The following PCDHGA1 variants were observed in gnomAD, a reference collection of about 807,000 sequenced individuals.
The protein encoded by PCDHGA1 is protocadherin gamma-A1.
PCDHGA1 carries 32 observed loss-of-function variants against 58.0 expected under a neutral mutation model. The observed-to-expected ratio is 0.55, with a 90% CI of 0.42 to 0.74. The LOEUF is 0.74. Ranked by LOEUF, PCDHGA1 falls within the 30% of genes least tolerant of loss-of-function variation. PCDHGA1 has a pLI of 0.00. For synonymous variants in PCDHGA1, 498 were observed against 501.1 expected, an observed-to-expected ratio of 0.99 and a Z score of 0.08; for missense variants, 1,205 against 1,182.3, an observed-to-expected ratio of 1.02 and a Z score of -0.28.
intron 1 of PCDHGA1, chr5:141,408,972 CT>C (rs1404896464): frequency 6.2e-7 from 1 of 1,613,870 alleles, no homozygotes; most frequent in Middle Eastern, 1.6e-4. Flanking sequence ...AATCTGCCCC[CT>C]GGGTCCCCTG....
At chr5:141,396,487 G>A (rs1196823269) in intron 1 of PCDHGA1, 1 of 152,122 alleles carries the variant, frequency 6.6e-6, no homozygotes, top group Non-Finnish European at 1.5e-5. Flanking sequence ...AGGCATGGTG[G>A]CATGCGCCTG....
At chr5:141,394,639 T>C (rs2150578020) in intron 1 of PCDHGA1, 2 of 1,611,968 alleles carry the variant, frequency 1.2e-6, no homozygotes, top group Middle Eastern at 1.7e-4. Flanking sequence ...TACCGCCTGC[T>C]CAAGGCCAGC....
intron 1 of PCDHGA1, chr5:141,388,082 G>A (rs2091230905): frequency 2.9e-6 from 4 of 1,367,298 alleles, no homozygotes; most frequent in Non-Finnish European, 4.0e-6. Flanking sequence ...CTCGAAAACT[G>A]CGCGTCAGTT....
intron 1 of PCDHGA1, chr5:141,374,349 G>A: frequency 1.2e-6 from 2 of 1,614,042 alleles, no homozygotes; most frequent in Non-Finnish European, 1.7e-6. Context: ...ACCGCGGGTA[G>A]GATAGACCGC....
At position 141,339,584 on chromosome 5, in the gene PCDHGA1, G is replaced by A. The variant is rs544707253; in HGVS notation, c.2421+6479G>A. 4.9e-5 allele frequency: 79 copies of A among 1,614,212 alleles called. 2 individuals carry two copies. The South Asian group carries it at 6.8e-4, about 14-fold the overall frequency. On this transcript the variant is annotated intron_variant, in intron 1 of 3. Coordinates refer to ENST00000517417, the MANE Select transcript of PCDHGA1 (RefSeq NM_018912.3). ...GGAGCGCTCTCTGGACCGCGAGGAA[G>A]AGGCTGTTCACCACCTCGTTCTCGT... is the stretch of plus-strand genomic sequence containing the variant.
intron 1 of PCDHGA1, chr5:141,382,901 TGGC>T (rs1204971797): frequency 6.5e-7 from 1 of 1,543,194 alleles, no homozygotes; most frequent in African/African-American, 1.4e-5. Context: ...AGGACGACTA[TGGC>T]GGCTCAGCCG....
In PCDHGA1 at chr5:141,331,666, A is replaced by C. The variant is rs894769119; in HGVS notation, c.982A>C (p.Met328Leu). The change falls in exon 1 of 4, where the codon ATG (methionine) becomes CTG (leucine). Residue 328 changes from methionine (M) to leucine (L), a missense_variant. Transcript: ENST00000517417. ...TCAAGCCCAGGATGGTGCGGGGCTCATGGCTAAAGTTAAGGTACTGATCAA... is the reference window on the plus strand; with the variant it reads ...TCAAGCCCAGGATGGTGCGGGGCTCCTGGCTAAAGTTAAGGTACTGATCAA... ...EVQAQDGAGL[M>L]AKVKVLIKVL... 2.5e-6 allele frequency: 4 copies of C among 1,614,022 alleles called. No individual in the cohort carries two copies. In the South Asian group the frequency reaches 3.3e-5, roughly 13 times the overall value.
intron 1 of PCDHGA1, among the ~76,000 whole-genome samples, chr5:141,358,057 G>A (rs2149799917): frequency 6.6e-6 from 1 of 152,298 alleles, no homozygotes; most frequent in East Asian, 1.9e-4. Flanking sequence ...AGGCGTGGTG[G>A]TGTGTGCCCG....
rs188117490 is a variant in PCDHGA1 at position 141,507,256 on chromosome 5, C to G, written c.2569+1775C>G. 3 of 152,178 alleles carry G rather than the reference C, an allele frequency of 2.0e-5. No individual in the cohort carries two copies. In the East Asian group the frequency reaches 5.8e-4, roughly 29 times the overall value. The allele number at this position is 152,178 out of a possible 1,614,324, so 9.4% of individuals were successfully genotyped here. ...CAGTTACAGTTGAATGTCAGATAAA[C>G]AGCAAGTACTATTTCAGCATAAGTC... On this transcript the variant is annotated intron_variant, in intron 3 of 3. Coordinates refer to ENST00000517417, the MANE Select transcript of PCDHGA1 (RefSeq NM_018912.3).
chr5:141,454,796 A>ATTTTTCT (rs2098799790), intron 1 of PCDHGA1, among the ~76,000 whole-genome samples: 1 of 77,408 alleles, frequency 1.3e-5, no homozygotes, highest in African/African-American at 5.9e-5. Context: ...CATGGTTCTA[A>ATTTTTCT]TTTTTTTTTT....
Position 141,362,300 on chromosome 5 carries a change from A to G in PCDHGA1, c.2421+29195A>G, listed in dbSNP as rs1411423412. 3 of 1,613,936 alleles carry G rather than the reference A, an allele frequency of 1.9e-6. No individual in the cohort carries two copies. In the East Asian group the frequency reaches 6.7e-5, roughly 36 times the overall value. The stretch of plus-strand genomic sequence containing the variant: ...CGCCTGCGACTCTCTTCCAGGTCAG[A>G]TGCTTGGGACTGTTTTCAGCCTGGT... On this transcript the variant is annotated intron_variant, in intron 1 of 3. Transcript: ENST00000517417.
chr5:141,400,321 G>A lies in PCDHGA1; in HGVS notation c.2421+67216G>A, dbSNP rs190006023. On this transcript the variant is annotated intron_variant, in intron 1 of 3. Coordinates refer to ENST00000517417, the MANE Select transcript of PCDHGA1 (RefSeq NM_018912.3). ...CCAACCTGGTCTCTGTGTCAAGTCTGGACCTGTGGTTCCCCCCAACTACAG... is the reference window on the plus strand; with the variant it reads ...CCAACCTGGTCTCTGTGTCAAGTCTAGACCTGTGGTTCCCCCCAACTACAG... The A allele has an allele frequency of 9.3e-6, 15 of 1,614,064 alleles. No homozygotes were observed. In the Admixed American group the frequency reaches 2.5e-4, roughly 27 times the overall value.
chr5:141,507,553 C>T (rs1382652977), intron 3 of PCDHGA1, among the ~76,000 whole-genome samples: 4 of 152,192 alleles, frequency 2.6e-5, no homozygotes, highest in Admixed American at 2.0e-4. Flanking sequence ...ATGAAAGTGG[C>T]AGGCGGCTGG....
In PCDHGA1 at chr5:141,341,554, C is replaced by T. The variant is rs151026157; in HGVS notation, c.2421+8449C>T. Reference sequence around the variant, plus strand: ...TTATTTCTTGGTAGGTCTTAGTGTTCACAGGCTGTAAGAGGAAGAAGAGAC... The same window carrying T: ...TTATTTCTTGGTAGGTCTTAGTGTTTACAGGCTGTAAGAGGAAGAAGAGAC... On this transcript the variant is annotated intron_variant, in intron 1 of 3. Transcript: ENST00000517417. 2.2e-3 allele frequency: 3,043 copies of T among 1,386,336 alleles called. 9 individuals carry two copies. Among genetic ancestry groups the T allele is most frequent in the Middle Eastern group, 4.9e-3 (20 of 4,090 alleles). 85.9% of individuals were successfully genotyped at this position (1,386,336 alleles called of 1,614,324 possible).
At chr5:141,344,232 G>A (rs762455729) in intron 1 of PCDHGA1, 1 of 1,613,926 alleles carries the variant, frequency 6.2e-7, no homozygotes, top group Admixed American at 1.7e-5. Context: ...AGTCCGCATC[G>A]TCTCCAGAGG....
At chr5:141,385,399 G>A in intron 1 of PCDHGA1, 1 of 1,492,926 alleles carries the variant, frequency 6.7e-7, no homozygotes, top group Non-Finnish European at 8.9e-7. Flanking sequence ...CAAAACAAAT[G>A]TTTTGAAAAT....
In PCDHGA1 at chr5:141,486,585, GGGA is replaced by G; in HGVS notation, c.2422-8221_2422-8219del. The G allele has an allele frequency of 6.2e-7, 1 of 1,613,708 alleles. No individual in the cohort carries two copies. Among genetic ancestry groups the G allele is most frequent in the Non-Finnish European group, 8.5e-7 (1 of 1,180,024 alleles). On this transcript the variant is annotated intron_variant, in intron 1 of 3. Transcript: ENST00000517417. This position sits in a 1 kb window ranked among gnomAD's most constrained non-coding sequence, Gnocchi z 5.0. ...TTTGTTCCTGAGAACAATCGCCCAG[GGGA>G]CCTGCTTTGCTCCCTTGCAGCCTCT...
At chr5:141,345,429 C>T (rs1186649548) in intron 1 of PCDHGA1, 17 of 1,613,922 alleles carry the variant, frequency 1.1e-5, no homozygotes. Flanking sequence ...AGAAAACAAC[C>T]CCAGAGGAGC....
intron 1 of PCDHGA1, chr5:141,389,710 C>T: frequency 6.2e-7 from 1 of 1,612,586 alleles, no homozygotes; most frequent in Non-Finnish European, 8.5e-7. Flanking sequence ...GTGCTGCAGG[C>T]TAGCGAGCCC....
Sources: gnomAD v4.1 joint callset for allele counts (sites outside exome capture counted in the v4.1 genomes callset) on GRCh38, gnomAD v4.1.1 for gene constraint, Gnocchi (gnomAD v3.1) non-coding constraint, MANE v1.5 for transcripts, NCBI Gene and HGNC (gene_info 2026-07-23, HGNC 2026-07-21) for gene names.